The following CTNNBL1 variants were observed in gnomAD, a reference collection of about 807,000 sequenced individuals.
The protein encoded by CTNNBL1 is catenin beta like 1.
A neutral mutation model predicts 72.7 loss-of-function variants in CTNNBL1; 31 were observed. The observed-to-expected ratio is 0.43, with a 90% CI of 0.32 to 0.58. The LOEUF (loss-of-function observed/expected upper bound fraction) is 0.58, where lower values mean the gene tolerates loss of function less well. CTNNBL1 is among the 20% of genes least tolerant of loss of function. CTNNBL1 has a pLI of 0.08. For missense variants in CTNNBL1, 534 were observed against 725.1 expected, an observed-to-expected ratio of 0.74 and a Z score of 3.03; for synonymous variants, 240 against 267.3, an observed-to-expected ratio of 0.90 and a Z score of 1.00.
chr20:37,744,514 A>T (rs1370456595), intron 3 of CTNNBL1: 1 of 152,236 alleles, frequency 6.6e-6, no homozygotes, highest in African/African-American at 2.4e-5. Context: ...TTGTGTGGCC[A>T]TTAATCTATG....
At chr20:37,765,075 A>G (rs958874369) in intron 5 of CTNNBL1, 122 bp from the exon 6 acceptor site, 4 of 700,032 alleles carry the variant, frequency 5.7e-6, no homozygotes, top group Non-Finnish European at 1.0e-5. Context: ...TGTAAACCAT[A>G]GATTGCTGCT....
At chr20:37,823,271 G>A (rs979441171) in intron 11 of CTNNBL1, among the ~76,000 whole-genome samples, 2 of 152,216 alleles carry the variant, frequency 1.3e-5, no homozygotes, top group Non-Finnish European at 2.9e-5. Flanking sequence ...GACTAGAAAA[G>A]AAAGAGCTAT....
intron 6 of CTNNBL1, among the ~76,000 whole-genome samples, chr20:37,766,145 A>T (rs1331130105): frequency 6.6e-6 from 1 of 152,110 alleles, no homozygotes; most frequent in Non-Finnish European, 1.5e-5. Context: ...AAACATGGGC[A>T]CCTGGGGGGA....
intron 10 of CTNNBL1, among the ~76,000 whole-genome samples, chr20:37,779,780 A>G (rs2073609889): frequency 2.0e-5 from 3 of 152,206 alleles, no homozygotes; most frequent in Admixed American, 2.0e-4. Context: ...AATGAGTTGT[A>G]CATGTGCTGT....
At chr20:37,871,827 T>G in intron 15 of CTNNBL1, 98 bp from the exon 16 acceptor site, 3 of 1,077,210 alleles carry the variant, frequency 2.8e-6, no homozygotes, top group Non-Finnish European at 4.3e-6. Context: ...GACTTGCACC[T>G]CTGTGGGAGC....
At chr20:37,794,591 C>G (rs1329514804) in intron 10 of CTNNBL1, among the ~76,000 whole-genome samples, 1 of 152,178 alleles carries the variant, frequency 6.6e-6, no homozygotes, top group East Asian at 1.9e-4. Context: ...CTCCCAGGTT[C>G]AAGCGATTCT....
chr20:37,705,765 C>G (rs935568603), intron 1 of CTNNBL1, among the ~76,000 whole-genome samples: 1 of 151,980 alleles, frequency 6.6e-6, no homozygotes, highest in Admixed American at 6.6e-5. Context: ...CTTTTTTTCC[C>G]CTTAGTGTCC....
At chr20:37,751,388 T>C (rs957656974) in intron 4 of CTNNBL1, 5 of 152,344 alleles carry the variant, frequency 3.3e-5, no homozygotes, top group Admixed American at 3.3e-4. Context: ...TAGATCATTG[T>C]GCTGATGGGG....
At chr20:37,818,719 T>A (rs2072080478) in intron 11 of CTNNBL1, among the ~76,000 whole-genome samples, 1 of 152,184 alleles carries the variant, frequency 6.6e-6, no homozygotes, top group South Asian at 2.1e-4. Flanking sequence ...ATCACAGGAA[T>A]CAGAATAACT....
chr20:37,820,794 T>C (rs1223819929), intron 11 of CTNNBL1, among the ~76,000 whole-genome samples: 1 of 152,176 alleles, frequency 6.6e-6, no homozygotes, highest in Non-Finnish European at 1.5e-5. Flanking sequence ...CCTCCTTTCT[T>C]TGTAAATTGC....
At chr20:37,767,801 C>A in intron 6 of CTNNBL1, 152 bp from the exon 7 acceptor site, 1 of 637,096 alleles carries the variant, frequency 1.6e-6, no homozygotes, top group East Asian at 2.7e-5. Context: ...CACAGCAACT[C>A]CCTGGTTAAT....
chr20:37,801,578 A>G (rs895810603), intron 10 of CTNNBL1, among the ~76,000 whole-genome samples: 5 of 152,180 alleles, frequency 3.3e-5, no homozygotes, highest in South Asian at 2.1e-4. Flanking sequence ...TTTTAATTCT[A>G]TGTTCATTAT....
At chr20:37,768,491 C>T (rs1209389745) in intron 7 of CTNNBL1, among the ~76,000 whole-genome samples, 1 of 152,186 alleles carries the variant, frequency 6.6e-6, no homozygotes, top group African/African-American at 2.4e-5. Context: ...TTCCACTATG[C>T]TGATGTACCA....
intron 11 of CTNNBL1, among the ~76,000 whole-genome samples, chr20:37,830,486 C>G (rs1242069323): frequency 2.0e-5 from 3 of 152,122 alleles, no homozygotes; most frequent in Non-Finnish European, 4.4e-5. Flanking sequence ...AGCAGGACCC[C>G]TCTAGAATCT....
rs374758112 is a variant in CTNNBL1, at chr20:37,737,357, G to A, written c.220-21G>A. 3.2e-6 allele frequency: 5 copies of A among 1,575,824 alleles called. No homozygotes were observed. In the African/African-American group the frequency reaches 6.8e-5, roughly 21 times the overall value. Reference sequence around the variant, plus strand: ...GAAACCCCTGTGGACTGAAGTTTTTGCATTTGTCTCTTTGTACCAGGAGGA... The same window carrying A: ...GAAACCCCTGTGGACTGAAGTTTTTACATTTGTCTCTTTGTACCAGGAGGA... On this transcript the variant is annotated intron_variant, in intron 2 of 15. Transcript: ENST00000361383.
chr20:37,790,784 G>T (rs575052979), intron 10 of CTNNBL1, among the ~76,000 whole-genome samples: 2 of 152,066 alleles, frequency 1.3e-5, no homozygotes, highest in South Asian at 2.1e-4. Flanking sequence ...AGTTTAAATC[G>T]CACATATTTA....
intron 15 of CTNNBL1, among the ~76,000 whole-genome samples, chr20:37,865,573 G>T (rs569722102): frequency 6.6e-6 from 1 of 152,320 alleles, no homozygotes; most frequent in East Asian, 1.9e-4. Flanking sequence ...TGCATGGGAA[G>T]GGTTTCCGCA....
intron 3 of CTNNBL1, among the ~76,000 whole-genome samples, chr20:37,740,892 T>C (rs1298250870): frequency 6.6e-6 from 1 of 152,238 alleles, no homozygotes; most frequent in Admixed American, 6.5e-5. Context: ...CCTGGGGTCC[T>C]AGGACTACAC....
chr20:37,774,847 T>C (rs928454979), intron 7 of CTNNBL1, among the ~76,000 whole-genome samples: 2 of 152,258 alleles, frequency 1.3e-5, no homozygotes, highest in Non-Finnish European at 2.9e-5. Context: ...TACTTTCATA[T>C]TATGTTTTTA....
Sources: gnomAD v4.1 joint callset for allele counts (sites outside exome capture counted in the v4.1 genomes callset) on GRCh38, gnomAD v4.1.1 for gene constraint, MANE v1.5 for transcripts, NCBI Gene and HGNC (gene_info 2026-07-23, HGNC 2026-07-21) for gene names.